The following TAAR2 variants were observed in gnomAD, a reference collection of about 807,000 sequenced individuals.
TAAR2 encodes the protein trace amine-associated receptor 2.
Under a neutral mutation model 25.5 loss-of-function variants are expected in TAAR2, and 30 were observed. That is an observed-to-expected ratio of 1.18 (90% CI 0.88 to 1.60). The LOEUF (loss-of-function observed/expected upper bound fraction) is 1.60, where lower values mean the gene tolerates loss of function less well. Among genes scored for constraint, TAAR2 ranks in the 40% most tolerant of loss-of-function variants. The probability of loss-of-function intolerance (pLI) is 0.00; values close to 1 mark genes in which losing one functional copy is unlikely to be tolerated. For missense variants in TAAR2, 481 were observed against 416.5 expected (o/e 1.15, Z -1.35); for synonymous variants, 150 against 142.4 (o/e 1.05, Z -0.38).
At chr6:132,623,449 C>T (rs902003664) in intron 1 of TAAR2, among the ~76,000 whole-genome samples, 6 of 152,164 alleles carry the variant, frequency 3.9e-5, no homozygotes, top group Admixed American at 2.0e-4. Flanking sequence ...CAACAGCAAT[C>T]GACGGCATTA....
chr6:132,617,907 C>T lies in TAAR2; in HGVS notation c.299G>A (p.Ser100Asn), dbSNP rs2114608376. ...GCAGTTCTCCACCGATCTGATCATA[C>T]TATATGGCATGATGGTGAATCCCAG... Reference protein sequence around the residue: ...FLLGFTIMPYSMIRSVENCWY... With the variant: ...FLLGFTIMPYNMIRSVENCWY... The change falls in exon 2 of 2, where the codon AGT becomes AAT. Residue 100 changes from serine (S) to asparagine (N), a missense_variant. By Grantham distance (46) the Ser-to-Asn change is conservative. Coordinates refer to ENST00000367931, the MANE Select transcript of TAAR2 (RefSeq NM_001033080.1). 6.2e-7 allele frequency: 1 copy of T among 1,614,022 alleles called. No individual in the cohort carries two copies. The highest frequency in any genetic ancestry group is 2.2e-5 in the East Asian group (1 of 44,818).
Position 132,617,921 on chromosome 6 carries a change from G to A in TAAR2, c.285C>T (p.Thr95=). The change falls in exon 2 of 2, where the codon ACC becomes ACT. Residue 95 remains threonine (T), a synonymous_variant. Coordinates refer to ENST00000367931, the MANE Select transcript of TAAR2 (RefSeq NM_001033080.1). The part of the protein sequence containing the change: ...MAITDFLLGF[T]IMPYSMIRSV... ...ATCTGATCATACTATATGGCATGAT[G>A]GTGAATCCCAGGAGGAAATCAGTGA... 3.1e-6 allele frequency: 5 copies of A among 1,614,000 alleles called. No homozygotes were observed. The highest frequency in any genetic ancestry group is 1.1e-5 in the South Asian group (1 of 91,078).
intron 1 of TAAR2, among the ~76,000 whole-genome samples, chr6:132,622,438 G>A (rs1338450440): frequency 7.4e-6 from 1 of 136,054 alleles, no homozygotes; most frequent in African/African-American, 2.7e-5. Flanking sequence ...GATGATTAAT[G>A]CTTCATTGGT....
rs1777305027 is a variant in TAAR2, at chr6:132,617,278, A to T, written c.928T>A (p.Cys310Ser). 1 of 1,613,740 alleles carries T rather than the reference A, an allele frequency of 6.2e-7. No homozygotes were observed. Among genetic ancestry groups the T allele is most frequent in the South Asian group, 1.1e-5 (1 of 91,074 alleles). The change falls in exon 2 of 2, where the codon TGT becomes AGT. Residue 310 changes from cysteine to serine, a missense_variant. Cys to Ser is a moderately radical substitution (Grantham distance 112). Coordinates refer to ENST00000367931, the MANE Select transcript of TAAR2 (RefSeq NM_001033080.1). ...AAGAAACCATATATTAACGGATTAC[A>T]TGTGGAGTTAAAATAGCCAAACCAT... Reference protein sequence around the residue: ...LTWFGYFNSTCNPLIYGFFYP... With the variant: ...LTWFGYFNSTSNPLIYGFFYP...
chr6:132,623,395 ATTC>A (rs1777401140), intron 1 of TAAR2, among the ~76,000 whole-genome samples: 1 of 152,172 alleles, frequency 6.6e-6, no homozygotes, highest in African/African-American at 2.4e-5. Context: ...ATGCCTACAC[ATTC>A]TCTCTGCACA....
Position 132,617,393 on chromosome 6 carries a change from G to A in TAAR2, c.813C>T (p.Phe271=). ...AGAAACAAGGAAACCAACATAATAA[G>A]AAAACTCCTATCACTATTCCTAAAG... ...AKTLGIVIGV[F]LLCWFPCFFT... Residue 271 remains phenylalanine, a synonymous_variant, in exon 2 of 2, where the codon TTC becomes TTT. Transcript: ENST00000367931. 1 of 1,613,756 alleles carries A rather than the reference G, an allele frequency of 6.2e-7. No homozygotes were observed. The highest frequency in any genetic ancestry group is 2.2e-5 in the East Asian group (1 of 44,750).
rs1404680791 is a variant in TAAR2 at position 132,617,860 on chromosome 6, A to G, written c.346T>C (p.Cys116Arg). 2 of 1,614,092 alleles carry G rather than the reference A, an allele frequency of 1.2e-6. No homozygotes were observed. Among genetic ancestry groups the G allele is most frequent in the East Asian group, 2.2e-5 (1 of 44,808 alleles). ...ENCWYFGLTF[C>R]KIYYSFDLML... ...AGGTCAAAACTATAATAAATCTTGC[A>G]AAATGTAAGCCCAAAATACCAGCAG... is the stretch of plus-strand genomic sequence containing the variant. Residue 116 changes from cysteine (C) to arginine (R), a missense_variant, in exon 2 of 2, where the codon TGC (cysteine) becomes CGC (arginine). Coordinates refer to ENST00000367931, the MANE Select transcript of TAAR2 (RefSeq NM_001033080.1).
At chr6:132,623,545 C>T (rs746670785) in intron 1 of TAAR2, among the ~76,000 whole-genome samples, 7 of 151,976 alleles carry the variant, frequency 4.6e-5, no homozygotes, top group African/African-American at 7.2e-5. Context: ...TTCCACATAC[C>T]GGCAGAAGAT....
intron 1 of TAAR2, among the ~76,000 whole-genome samples, chr6:132,618,758 T>C (rs1273364003): frequency 1.3e-5 from 2 of 152,218 alleles, no homozygotes; most frequent in Non-Finnish European, 2.9e-5. Flanking sequence ...ATTATTGAGC[T>C]GTATCTTACG....
At chr6:132,619,547 T>A (rs1018108442) in intron 1 of TAAR2, among the ~76,000 whole-genome samples, 1 of 151,974 alleles carries the variant, frequency 6.6e-6, no homozygotes, top group African/African-American at 2.4e-5. Flanking sequence ...GAGTAAGACA[T>A]TTTTCTTGAA....
intron 1 of TAAR2, among the ~76,000 whole-genome samples, chr6:132,620,401 A>G (rs1777356661): frequency 6.6e-6 from 1 of 152,262 alleles, no homozygotes; most frequent in Non-Finnish European, 1.5e-5. Flanking sequence ...TGCTGTTTAC[A>G]GAAACAGCTG....
In TAAR2 at chr6:132,617,975, TG is replaced by T; in HGVS notation, c.230del (p.Pro77GlnfsTer25). 6.2e-7 allele frequency: 1 copy of T among 1,613,956 alleles called. No homozygotes were observed. The highest frequency in any genetic ancestry group is 8.5e-7 in the Non-Finnish European group (1 of 1,179,948). On this transcript the variant is annotated frameshift_variant, in exon 2 of 2. Coordinates refer to ENST00000367931, the MANE Select transcript of TAAR2 (RefSeq NM_001033080.1). LOFTEE classifies it high-confidence loss of function. ...CCATGGAGAGGATGAGGAAGTTGGT[TG>T]GTGTGTGAAGCTGCTTGAAGTAGGA... ...SISYFKQLHT[P>X]TNFLILSMAI...
chr6:132,623,714 A>T (rs1484400678), intron 1 of TAAR2, among the ~76,000 whole-genome samples: 1 of 151,566 alleles, frequency 6.6e-6, no homozygotes, highest in Non-Finnish European at 1.5e-5. Flanking sequence ...GTGAAAAAAA[A>T]AAAAAAGAAA....
chr6:132,623,375 A>G (rs538973982), intron 1 of TAAR2, among the ~76,000 whole-genome samples: 1 of 152,304 alleles, frequency 6.6e-6, no homozygotes, highest in African/African-American at 2.4e-5. Context: ...CACCTTCCAC[A>G]ATCTTCCACA....
At position 132,617,577 on chromosome 6, in the gene TAAR2, C is replaced by T. The variant is rs931175874; in HGVS notation, c.629G>A (p.Gly210Glu). The change falls in exon 2 of 2, where the codon GGG becomes GAG. Residue 210 changes from glycine (G) to glutamate (E), a missense_variant. Physicochemically the swap from Gly to Glu is moderately conservative, Grantham distance 98 (BLOSUM62 -2). Transcript: ENST00000367931. ...GAAACCTGCCATAAACAAGGTGGTC[C>T]CCCATAGCTTGTTGAACATCACTGG... ...SCPVMFNKLW[G>E]TTLFMAGFFT... is the part of the protein sequence containing the mutation. 3.7e-6 allele frequency: 6 copies of T among 1,613,816 alleles called. No individual in the cohort carries two copies. Among genetic ancestry groups the T allele is most frequent in the Middle Eastern group, 1.6e-4 (1 of 6,080 alleles).
At chr6:132,623,772 C>T (rs1306003819) in intron 1 of TAAR2, among the ~76,000 whole-genome samples, 2 of 151,584 alleles carry the variant, frequency 1.3e-5, no homozygotes, top group Non-Finnish European at 2.9e-5. Flanking sequence ...GAGCTTAAAC[C>T]ACTCCTCCAT....
At chr6:132,618,957 A>G (rs1341838503) in intron 1 of TAAR2, among the ~76,000 whole-genome samples, 1 of 152,150 alleles carries the variant, frequency 6.6e-6, no homozygotes, top group East Asian at 1.9e-4. Flanking sequence ...ATTCATACGA[A>G]TGTTGTTTTA....
chr6:132,618,189 A>G, intron 1 of TAAR2, 44 bp from the exon 2 acceptor site: 1 of 1,502,266 alleles, frequency 6.7e-7, no homozygotes, highest in Non-Finnish European at 8.9e-7. Context: ...GAATATAAAT[A>G]TTCTATGTTT....
Position 132,617,459 on chromosome 6 carries a change from A to G in TAAR2, c.747T>C (p.Asn249=). ...HAHAINNLRE[N]QNNQVKKDKK... is the part of the protein sequence containing the mutation. ...TGTCTTTCTTCACTTGATTATTTTG[A>G]TTTTCTCGCAAGTTATTGATGGCAT... is the stretch of plus-strand genomic sequence containing the variant. The change falls in exon 2 of 2, where the codon AAT becomes AAC. Residue 249 remains asparagine, a synonymous_variant. Transcript: ENST00000367931. The G allele has an allele frequency of 1.9e-6, 3 of 1,613,678 alleles. No individual in the cohort carries two copies. The highest frequency in any genetic ancestry group is 2.5e-6 in the Non-Finnish European group (3 of 1,179,908).
Sources: allele counts gnomAD v4.1 joint callset (sites outside exome capture counted in the v4.1 genomes callset), GRCh38; gene constraint gnomAD v4.1.1; transcripts MANE v1.5; gene names NCBI Gene and HGNC (gene_info 2026-07-23, HGNC 2026-07-21).